COL4A6: variants seen among roughly 807,000 people sequenced by gnomAD.
COL4A6 encodes the protein collagen type IV alpha 6 chain.
In COL4A6, 59 loss-of-function variants were observed where a neutral mutation model predicts 126.7. The observed-to-expected ratio is 0.47, with a 90% CI of 0.38 to 0.58. The LOEUF (loss-of-function observed/expected upper bound fraction) is 0.58. Among genes scored for constraint, COL4A6 ranks in the 20% least tolerant of loss-of-function variants. The probability of loss-of-function intolerance (pLI) is 0.00; values close to 1 mark genes in which losing one functional copy is unlikely to be tolerated. For synonymous variants in COL4A6, 547 were observed against 496.6 expected, an observed-to-expected ratio of 1.10 and a Z score of -1.35; for missense variants, 1,285 against 1,337.3, an observed-to-expected ratio of 0.96 and a Z score of 0.61.
At chrX:108,351,155 C>A (rs1192441201) in intron 2 of COL4A6, among the ~76,000 whole-genome samples, 1 of 111,309 alleles carries the variant, frequency 9.0e-6, no homozygotes, top group Non-Finnish European at 1.9e-5. Context: ...TTACTGTCAT[C>A]GTCCAAAGAA....
At chrX:108,424,718 T>TA in intron 2 of COL4A6, among the ~76,000 whole-genome samples, 1 of 112,076 alleles carries the variant, frequency 8.9e-6, no homozygotes, top group Non-Finnish European at 1.9e-5. Context: ...TAATTTCATT[T>TA]AAAAAAACAT....
intron 2 of COL4A6, among the ~76,000 whole-genome samples, chrX:108,357,463 C>T (rs1308935870): frequency 9.0e-6 from 1 of 111,419 alleles, no homozygotes; most frequent in African/African-American, 3.3e-5. Context: ...TACACCCTGG[C>T]CTCAGTTTCC....
chrX:108,313,329 C>A (rs927962665), intron 2 of COL4A6, among the ~76,000 whole-genome samples: 1 of 111,691 alleles, frequency 9.0e-6, no homozygotes. Flanking sequence ...CCATCTTATA[C>A]CCAAGAAAAT....
chrX:108,435,363 C>G (rs192718041), intron 2 of COL4A6, among the ~76,000 whole-genome samples: 29 of 112,124 alleles, frequency 2.6e-4, no homozygotes, highest in Admixed American at 1.9e-3. Flanking sequence ...AGACATTTCG[C>G]TAACACGATG....
intron 3 of COL4A6, among the ~76,000 whole-genome samples, chrX:108,234,574 C>G (rs1364823094): frequency 8.9e-6 from 1 of 112,122 alleles, no homozygotes; most frequent in Non-Finnish European, 1.9e-5. Flanking sequence ...CATGGTGCAA[C>G]ATGCTGGAAA....
At chrX:108,371,627 C>T (rs1569446818) in intron 2 of COL4A6, among the ~76,000 whole-genome samples, 2 of 102,636 alleles carry the variant, frequency 1.9e-5, no homozygotes, top group Non-Finnish European at 3.9e-5. Context: ...TGTGGTTGTG[C>T]ATGCCTGTAG....
intron 2 of COL4A6, among the ~76,000 whole-genome samples, chrX:108,363,527 A>G (rs1306225094): frequency 8.9e-6 from 1 of 112,250 alleles, no homozygotes; most frequent in Non-Finnish European, 1.9e-5. Context: ...AAATTACACC[A>G]CTAGTAAGTA....
intron 3 of COL4A6, among the ~76,000 whole-genome samples, chrX:108,297,919 C>T (rs763912143): frequency 6.4e-5 from 7 of 108,945 alleles, no homozygotes; most frequent in South Asian, 4.2e-4. Flanking sequence ...TATCCCATCT[C>T]GTCCCCACAC....
chrX:108,394,574 TC>T (rs753162055), intron 2 of COL4A6, among the ~76,000 whole-genome samples: 2 of 112,041 alleles, frequency 1.8e-5, no homozygotes, highest in African/African-American at 3.2e-5. Context: ...TTTAGCCTGT[TC>T]ATCTTTTCCA....
intron 2 of COL4A6, among the ~76,000 whole-genome samples, chrX:108,403,298 G>C (rs1358372877): frequency 1.0e-5 from 1 of 98,264 alleles, no homozygotes; most frequent in Non-Finnish European, 2.0e-5. Flanking sequence ...GTTTTGGTAT[G>C]TGTTGTATTT....
At chrX:108,232,808 T>C (rs1484993701) in intron 3 of COL4A6, among the ~76,000 whole-genome samples, 2 of 111,651 alleles carry the variant, frequency 1.8e-5, no homozygotes, top group African/African-American at 3.3e-5. Flanking sequence ...ACAATGCCTG[T>C]GAAAAGGAGC....
intron 3 of COL4A6, among the ~76,000 whole-genome samples, chrX:108,243,907 A>G (rs1295113652): frequency 8.9e-6 from 1 of 112,205 alleles, no homozygotes; most frequent in Non-Finnish European, 1.9e-5. Flanking sequence ...CATCAAGGAC[A>G]TCAGTGGCTT....
chrX:108,199,464 C>A (rs995719916), intron 13 of COL4A6, among the ~76,000 whole-genome samples: 1 of 111,593 alleles, frequency 9.0e-6, no homozygotes, highest in African/African-American at 3.3e-5. Flanking sequence ...CACATTGAAT[C>A]TGTGCCAAAG....
chrX:108,180,646 G>A, intron 24 of COL4A6, 24 bp from the exon 25 acceptor site: 2 of 1,096,157 alleles, frequency 1.8e-6, no homozygotes, highest in Non-Finnish European at 2.5e-6. Context: ...TGTAAGCAAT[G>A]AGGGGAAAGG....
At chrX:108,237,943 A>G (rs1393082970) in intron 3 of COL4A6, among the ~76,000 whole-genome samples, 3 of 106,789 alleles carry the variant, frequency 2.8e-5, no homozygotes, top group African/African-American at 1.0e-4. Context: ...TATCTCTATC[A>G]TCAATCTCGA....
rs1273820278 is a variant in COL4A6, at chrX:108,169,886, C to T, written c.3565+59G>A. 5.7e-6 allele frequency: 6 copies of T among 1,056,899 alleles called. No individual in the cohort carries two copies. The East Asian group carries it at 1.6e-4, about 29-fold the overall frequency. The allele number at this position is 1,056,899 out of a possible 1,213,427, so 87.1% of individuals were successfully genotyped here. A position where few individuals can be genotyped will look rare whatever the true frequency, so the allele number is the denominator to read the frequency against. On this transcript the variant is annotated intron_variant, in intron 36 of 44. Coordinates refer to ENST00000334504, the MANE Select transcript of COL4A6 (RefSeq NM_033641.4). The stretch of plus-strand genomic sequence containing the variant: ...CCACAGTCGAGAATTCATGGCCAGC[C>T]CTTGCCAGGCTTCTGGAAGAGCTGA...
At chrX:108,180,107 A>C (rs756078219) in intron 25 of COL4A6, among the ~76,000 whole-genome samples, 7 of 110,787 alleles carry the variant, frequency 6.3e-5, no homozygotes, top group African/African-American at 2.3e-4. Flanking sequence ...GAAATGGACA[A>C]CTTCCCTCTG....
intron 2 of COL4A6, among the ~76,000 whole-genome samples, chrX:108,328,885 C>A (rs187326049): frequency 1.8e-5 from 2 of 111,726 alleles, no homozygotes; most frequent in Admixed American, 9.5e-5. Context: ...GCTACTCAGC[C>A]ATAAAAAGAA....
At chrX:108,250,605 C>T (rs990277559) in intron 3 of COL4A6, among the ~76,000 whole-genome samples, 2 of 110,631 alleles carry the variant, frequency 1.8e-5, no homozygotes, top group Non-Finnish European at 3.8e-5. Flanking sequence ...TCCCTCCCTC[C>T]ACAATACAAT....
Sources: allele counts gnomAD v4.1 joint callset (sites outside exome capture counted in the v4.1 genomes callset), GRCh38; gene constraint gnomAD v4.1.1; transcripts MANE v1.5; gene names NCBI Gene and HGNC (gene_info 2026-07-23, HGNC 2026-07-21).